Variants in NALF1 observed in about 807,000 individuals in gnomAD.
NALF1 encodes NALCN channel auxiliary factor 1, also known as family with sequence similarity 155 member A.
In NALF1, 3 loss-of-function variants were observed where a neutral mutation model predicts 48.4. The observed-to-expected ratio is 0.06, with a 90% CI of 0.03 to 0.16. NALF1 has a LOEUF of 0.16. NALF1 is among the 10% of genes least tolerant of loss of function. The probability of loss-of-function intolerance (pLI) is 1.00; values close to 1 mark genes in which losing one functional copy is unlikely to be tolerated. For missense variants in NALF1, 526 were observed against 571.5 expected (o/e 0.92, Z 0.81); for synonymous variants, 262 against 245.7 (o/e 1.07, Z -0.62).
At chr13:107,464,242 T>G (rs944197133) in intron 1 of NALF1, among the ~76,000 whole-genome samples, 25 of 151,796 alleles carry the variant, frequency 1.6e-4, no homozygotes, top group Admixed American at 1.1e-3. Flanking sequence ...AAAACTGTCA[T>G]AGTACAGTGA....
intron 1 of NALF1, among the ~76,000 whole-genome samples, chr13:107,863,890 A>G (rs1880642527): frequency 6.6e-6 from 1 of 152,160 alleles, no homozygotes; most frequent in Non-Finnish European, 1.5e-5. Context: ...GTCAATACAG[A>G]CTGTCTTTTA....
At chr13:107,739,756 G>A (rs1876578240) in intron 1 of NALF1, among the ~76,000 whole-genome samples, 3 of 152,188 alleles carry the variant, frequency 2.0e-5, no homozygotes, top group Admixed American at 6.5e-5. Context: ...AACTTCATCT[G>A]TATTTCCAGC....
chr13:107,854,717 A>G (rs1406801627), intron 1 of NALF1, among the ~76,000 whole-genome samples: 1 of 151,760 alleles, frequency 6.6e-6, no homozygotes, highest in African/African-American at 2.4e-5. Flanking sequence ...CTAAAAGTAC[A>G]AAAAAAATTA....
intron 1 of NALF1, among the ~76,000 whole-genome samples, chr13:107,561,293 C>T (rs988643723): frequency 6.6e-6 from 1 of 152,162 alleles, no homozygotes; most frequent in African/African-American, 2.4e-5. Flanking sequence ...ATGTCACCTT[C>T]GTCTCCTTTT....
chr13:107,225,165 C>T (rs757774370), intron 1 of NALF1, among the ~76,000 whole-genome samples: 5 of 152,008 alleles, frequency 3.3e-5, no homozygotes, highest in Admixed American at 6.6e-5. Context: ...CGCACCACCA[C>T]ACCTGGCTAA....
At chr13:107,673,740 T>A (rs549600520) in intron 1 of NALF1, among the ~76,000 whole-genome samples, 1 of 152,280 alleles carries the variant, frequency 6.6e-6, no homozygotes, top group East Asian at 1.9e-4. Context: ...ATTGCTCTGA[T>A]GTGATCACTA....
chr13:107,826,881 T>C (rs376150087), intron 1 of NALF1, among the ~76,000 whole-genome samples: 1 of 152,180 alleles, frequency 6.6e-6, no homozygotes, highest in Non-Finnish European at 1.5e-5. Context: ...TGGGAAAAGA[T>C]ATGGAGTGAA....
At chr13:107,182,500 G>A (rs1199103454) in intron 2 of NALF1, among the ~76,000 whole-genome samples, 1 of 152,014 alleles carries the variant, frequency 6.6e-6, no homozygotes, top group Admixed American at 6.6e-5. Flanking sequence ...AAACTTCCGG[G>A]CTCAAGTGAT....
intron 1 of NALF1, among the ~76,000 whole-genome samples, chr13:107,305,047 G>T (rs1426943734): frequency 6.6e-6 from 1 of 152,140 alleles, no homozygotes; most frequent in East Asian, 1.9e-4. Flanking sequence ...CAGAATAACA[G>T]TTGCTTGAAC....
rs936938082 is a variant in NALF1 at position 107,682,753 on chromosome 13, G to A, written c.915+182929C>T. ...CTTGCCTAGGTGTCCTCCTAGGCAG[G>A]GGTCCTCCACGAGATGTGCTGCATT... On this transcript the variant is annotated intron_variant, in intron 1 of 2. Transcript: ENST00000375915. 2.6e-5 allele frequency among the ~76,000 whole-genome samples: 4 copies of A among 152,226 alleles called. No homozygotes were observed. The East Asian group carries it at 7.7e-4, about 29-fold the overall frequency.
intron 1 of NALF1, among the ~76,000 whole-genome samples, chr13:107,745,032 C>T (rs927232249): frequency 6.6e-6 from 1 of 152,120 alleles, no homozygotes; most frequent in Non-Finnish European, 1.5e-5. Flanking sequence ...AAAGTTAGAA[C>T]TATTGTCAAT....
rs1447457964 is a variant in NALF1, at chr13:107,489,141, T to TG, written c.916-278387dup. On this transcript the variant is annotated intron_variant, in intron 1 of 2. Transcript: ENST00000375915. ...TCTGAGATGAGATGACACAATCAAA[T>TG]GGGAAAAAAAACATTCCATGCTCAT... is the stretch of plus-strand genomic sequence containing the variant. 2.0e-5 allele frequency among the ~76,000 whole-genome samples: 3 copies of TG among 151,616 alleles called. No individual in the cohort carries two copies. The East Asian group carries it at 5.8e-4, about 29-fold the overall frequency.
At chr13:107,648,118 T>A (rs1287006080) in intron 1 of NALF1, among the ~76,000 whole-genome samples, 1 of 152,120 alleles carries the variant, frequency 6.6e-6, no homozygotes, top group Non-Finnish European at 1.5e-5. Flanking sequence ...TCACCCCCCA[T>A]ACACATCTCC....
intron 1 of NALF1, among the ~76,000 whole-genome samples, chr13:107,340,526 T>C (rs11069685): frequency 6.0e-4 from 50 of 83,960 alleles, no homozygotes; most frequent in Middle Eastern, 5.4e-3. Context: ...TTCTCTCTCT[T>C]TTTTTTTTTA....
intron 1 of NALF1, among the ~76,000 whole-genome samples, chr13:107,515,648 C>A (rs1876030688): frequency 6.6e-6 from 1 of 152,184 alleles, no homozygotes; most frequent in East Asian, 1.9e-4. Flanking sequence ...TGTAACACAG[C>A]CATCTGAACT....
At chr13:107,387,323 G>T (rs142618036) in intron 1 of NALF1, among the ~76,000 whole-genome samples, 7 of 152,120 alleles carry the variant, frequency 4.6e-5, no homozygotes, top group Non-Finnish European at 8.8e-5. Context: ...CTGACACAGA[G>T]CTTCCGTCCC....
chr13:107,198,186 G>C (rs976269067), intron 2 of NALF1, among the ~76,000 whole-genome samples: 1 of 152,174 alleles, frequency 6.6e-6, no homozygotes, highest in South Asian at 2.1e-4. Context: ...ACTACAGAGA[G>C]TGGCTTGATT....
intron 1 of NALF1, among the ~76,000 whole-genome samples, chr13:107,439,216 A>G (rs1024688114): frequency 6.6e-6 from 1 of 152,212 alleles, no homozygotes; most frequent in Non-Finnish European, 1.5e-5. Context: ...TATTTTTACC[A>G]TACTCTGAGA....
chr13:107,734,108 A>C (rs1257392242), intron 1 of NALF1, among the ~76,000 whole-genome samples: 1 of 152,108 alleles, frequency 6.6e-6, no homozygotes, highest in Non-Finnish European at 1.5e-5. Flanking sequence ...CGGTGTTATG[A>C]CGGCTATGAT....
Sources: gnomAD v4.1 joint callset for allele counts (sites outside exome capture counted in the v4.1 genomes callset) on GRCh38, gnomAD v4.1.1 for gene constraint, MANE v1.5 for transcripts, NCBI Gene and HGNC (gene_info 2026-07-23, HGNC 2026-07-21) for gene names.